Variants in TROAP observed in about 807,000 individuals in gnomAD.
The protein encoded by TROAP is tastin.
In TROAP, 62 loss-of-function variants were observed where a neutral mutation model predicts 83.4. The observed-to-expected ratio is 0.74, with a 90% CI of 0.61 to 0.92. The LOEUF (loss-of-function observed/expected upper bound fraction) is 0.92. TROAP is among the 40% of genes least tolerant of loss of function. TROAP has a pLI of 0.00. For synonymous variants in TROAP, 352 were observed against 386.4 expected (o/e 0.91, Z 1.04); for missense variants, 876 against 985.1 (o/e 0.89, Z 1.48).
At chr12:49,323,486 G>C (rs1406946981) in intron 1 of TROAP, 118 bp from the exon 2 acceptor site, 9 of 1,401,036 alleles carry the variant, frequency 6.4e-6, no homozygotes, top group Admixed American at 4.1e-5. Flanking sequence ...CAGGCGCCGG[G>C]GGCTTGTGGG....
rs1032218428 is a variant in TROAP, at chr12:49,325,775, C to T, written c.524C>T (p.Pro175Leu). The T allele has an allele frequency of 2.5e-6, 4 of 1,614,026 alleles. No homozygotes were observed. The Admixed American group carries it at 6.7e-5, about 27-fold the overall frequency. Residue 175 changes from proline (P) to leucine (L), a missense_variant, in exon 5 of 15, where the codon CCC becomes CTC. Around this residue, in one of 3 missense-constraint regions of TROAP, gnomAD observed 689 missense variants for 722.6 expected, o/e 0.95. Coordinates refer to ENST00000257909, the MANE Select transcript of TROAP (RefSeq NM_005480.4). ...GTTCGGGCCTCTGCATATTTGGCCC[C>T]CAGAACCCCCACCCACCGACTGGAC... ...QGVRASAYLA[P>L]RTPTHRLDPA...
chr12:49,329,765 G>A lies in TROAP; in HGVS notation c.1165-92G>A. ...TACATCTAGGGCCTCTCAGTTAGGGGCTTCAATCCATTCCTCATGAGGGTG... is the reference window on the plus strand; with the variant it reads ...TACATCTAGGGCCTCTCAGTTAGGGACTTCAATCCATTCCTCATGAGGGTG... On this transcript the variant is annotated intron_variant, in intron 11 of 14. Transcript: ENST00000257909. The surrounding 1 kb of genome is among the most constrained non-coding windows in gnomAD (Gnocchi z 4.5). The A allele has an allele frequency of 1.3e-6, 2 of 1,534,600 alleles. No homozygotes were observed. Among genetic ancestry groups the A allele is most frequent in the Non-Finnish European group, 1.8e-6 (2 of 1,137,102 alleles).
chr12:49,324,745 TG>T (rs111582557), intron 3 of TROAP, among the ~76,000 whole-genome samples: 13,910 of 149,858 alleles, frequency 0.093, 1,789 homozygotes, highest in African/African-American at 0.3. Context: ...CTTTTTTTTT[TG>T]TGGAGACAGA....
At chr12:49,328,304 A>C (rs1943530237) in intron 8 of TROAP, among the ~76,000 whole-genome samples, 2 of 141,038 alleles carry the variant, frequency 1.4e-5, no homozygotes, top group South Asian at 4.3e-4. Flanking sequence ...CGCTCATTGC[A>C]ACCTCTGCCT....
At chr12:49,323,391 T>G in intron 1 of TROAP, 42 bp downstream of exon 1, 1 of 601,870 alleles carries the variant, frequency 1.7e-6, no homozygotes, top group South Asian at 2.1e-5. Flanking sequence ...GCTGCTGGGT[T>G]CATAGGGAGG....
Position 49,323,601 on chromosome 12 carries a change from T to A in TROAP, c.-5-3T>A, listed in dbSNP as rs747043007. 6.2e-7 allele frequency: 1 copy of A among 1,613,574 alleles called. No homozygotes were observed. The highest frequency in any genetic ancestry group is 1.1e-5 in the South Asian group (1 of 91,054). On this transcript the variant is annotated splice_region_variant and splice_polypyrimidine_tract_variant and intron_variant, in intron 1 of 14. Transcript: ENST00000257909. ...CCTGCCTTCTTCCCCGTCTCAATTGTAGCCATCATGACCACCCGGCAAGCC... is the reference window on the plus strand; with the variant it reads ...CCTGCCTTCTTCCCCGTCTCAATTGAAGCCATCATGACCACCCGGCAAGCC...
At position 49,323,813 on chromosome 12, in the gene TROAP, C is replaced by G. The variant is rs769079637; in HGVS notation, c.145-32C>G. 6.2e-6 allele frequency: 10 copies of G among 1,613,918 alleles called. No individual in the cohort carries two copies. The South Asian group carries it at 8.8e-5, about 14-fold the overall frequency. On this transcript the variant is annotated intron_variant, in intron 2 of 14. Transcript: ENST00000257909. ...ACCAGTAATGCACCCCAACACTAAA[C>G]CTCACCTTTTTGTCCCCGCTCCCTC...
chr12:49,327,945 G>C (rs138326562), intron 8 of TROAP, among the ~76,000 whole-genome samples: 100 of 152,200 alleles, frequency 6.6e-4, no homozygotes, highest in South Asian at 2.7e-3. Context: ...GTTGATATCT[G>C]GGGGAAGGAA....
At chr12:49,324,167 C>G (rs1466241339) in intron 3 of TROAP, 130 bp downstream of exon 3, 1 of 1,614,134 alleles carries the variant, frequency 6.2e-7, no homozygotes, top group East Asian at 2.2e-5. Flanking sequence ...CTGGTCCCAG[C>G]TCCTGGAAAG....
chr12:49,323,562 G>A, intron 1 of TROAP, 42 bp from the exon 2 acceptor site: 1 of 1,599,976 alleles, frequency 6.3e-7, no homozygotes, highest in Non-Finnish European at 8.5e-7. Context: ...GTTGATCTTT[G>A]ATCTTAGATT....
In TROAP at chr12:49,330,257, T is replaced by C. The variant is rs745476624; in HGVS notation, c.1412T>C (p.Leu471Pro). 1.2e-6 allele frequency: 2 copies of C among 1,614,142 alleles called. No individual in the cohort carries two copies. Among genetic ancestry groups the C allele is most frequent in the South Asian group, 1.1e-5 (1 of 91,086 alleles). ...CTGGATATGGTTGAACTTCAGCCCC[T>C]GCTGACTGAGATTTCTAGAACTCTG... ...SSLDMVELQP[L>P]LTEISRTLNA... is the part of the protein sequence containing the mutation. Residue 471 changes from leucine to proline, a missense_variant, in exon 13 of 15, where the codon CTG becomes CCG. Leu to Pro is a moderately conservative substitution (Grantham distance 98). Transcript: ENST00000257909.
At chr12:49,326,202 T>G in intron 6 of TROAP, 44 bp downstream of exon 6, 4 of 1,593,346 alleles carry the variant, frequency 2.5e-6, no homozygotes, top group Non-Finnish European at 3.4e-6. Flanking sequence ...TGGAAAAGAA[T>G]GAACCAGTGT....
intron 8 of TROAP, among the ~76,000 whole-genome samples, chr12:49,327,876 C>CAAGAGA (rs1160062587): frequency 6.6e-6 from 1 of 152,180 alleles, no homozygotes; most frequent in African/African-American, 2.4e-5. Context: ...TGTCAGGGAA[C>CAAGAGA]TCTTACTGAG....
At position 49,330,533 on chromosome 12, in the gene TROAP, AGC is replaced by A; in HGVS notation, c.1689_1690del (p.Glu563AspfsTer2). The A allele has an allele frequency of 1.2e-6, 2 of 1,613,614 alleles. No individual in the cohort carries two copies. Among genetic ancestry groups the A allele is most frequent in the Non-Finnish European group, 1.7e-6 (2 of 1,179,708 alleles). ...CCCCTAGAGTCCTGCTGTAGGAGTGAGCCTGAGATACCGGAGTCCTCTCGCCA... is the reference window on the plus strand; with the variant it reads ...CCCCTAGAGTCCTGCTGTAGGAGTGACTGAGATACCGGAGTCCTCTCGCCA... On this transcript the variant is annotated frameshift_variant, in exon 13 of 15. Transcript: ENST00000257909. LOFTEE classifies it high-confidence loss of function.
intron 13 of TROAP, 99 bp downstream of exon 13, chr12:49,331,042 CCA>C: frequency 6.4e-7 from 1 of 1,550,394 alleles, no homozygotes; most frequent in Non-Finnish European, 8.8e-7. Context: ...TCTCATGCTT[CCA>C]CACCTTCCAC....
In TROAP at chr12:49,331,398, G is replaced by C; in HGVS notation, c.2283G>C (p.Gln761His). 6.2e-7 allele frequency: 1 copy of C among 1,613,114 alleles called. No homozygotes were observed. Among genetic ancestry groups the C allele is most frequent in the Non-Finnish European group, 8.5e-7 (1 of 1,179,296 alleles). The change falls in exon 14 of 15, where the codon CAG becomes CAC. Residue 761 changes from glutamine to histidine, a missense_variant. Coordinates refer to ENST00000257909, the MANE Select transcript of TROAP (RefSeq NM_005480.4). ...CTGTGGCTACATTACTCGAATGGCA[G>C]GATGCCCTGGTGAGACTCCAACCCA... ...TNPVATLLEW[Q>H]DALCFIPVGS...
chr12:49,331,168 A>T, intron 13 of TROAP, 46 bp from the exon 14 acceptor site: 1 of 1,610,744 alleles, frequency 6.2e-7, no homozygotes, highest in Non-Finnish European at 8.5e-7. Flanking sequence ...TACATGGTGG[A>T]AGTATAGGAC....
chr12:49,325,389 C>A, intron 3 of TROAP, 112 bp from the exon 4 acceptor site: 2 of 1,120,552 alleles, frequency 1.8e-6, no homozygotes, highest in Non-Finnish European at 2.4e-6. Flanking sequence ...AAAAATAAGC[C>A]AAATTCAATT....
Position 49,330,496 on chromosome 12 carries a change from G to A in TROAP, c.1651G>A (p.Ala551Thr), listed in dbSNP as rs771868654. ...QLEVPEPYPP[A>T]EPRPLESCCR... The stretch of plus-strand genomic sequence containing the variant: ...TGAAGTACCAGAGCCCTACCCTCCA[G>A]CAGAACCCAGGCCCCTAGAGTCCTG... Residue 551 changes from alanine (A) to threonine (T), a missense_variant, in exon 13 of 15, where the codon GCA becomes ACA. Ala to Thr is a moderately conservative substitution (Grantham distance 58). Transcript: ENST00000257909. 1 of 1,613,648 alleles carries A rather than the reference G, an allele frequency of 6.2e-7. No homozygotes were observed. Among genetic ancestry groups the A allele is most frequent in the South Asian group, 1.1e-5 (1 of 90,996 alleles).
Sources: allele counts gnomAD v4.1 joint callset (sites outside exome capture counted in the v4.1 genomes callset), GRCh38; gene constraint gnomAD v4.1.1; regional missense constraint gnomAD v4.1.1; non-coding constraint Gnocchi (gnomAD v3.1); transcripts MANE v1.5; gene names NCBI Gene and HGNC (gene_info 2026-07-23, HGNC 2026-07-21).